SRRM2: variants seen among roughly 807,000 people sequenced by gnomAD.
The protein encoded by SRRM2 is serine/arginine repetitive matrix 2, also known as serine/arginine repetitive matrix protein 2.
SRRM2 carries 30 observed loss-of-function variants against 213.8 expected under a neutral mutation model. The ratio of observed to expected loss-of-function variants is 0.14; its 90% CI spans 0.10 to 0.19. The LOEUF (loss-of-function observed/expected upper bound fraction) is 0.19. Among genes scored for constraint, SRRM2 ranks in the 10% least tolerant of loss-of-function variants. SRRM2 has a pLI of 1.00. For missense variants in SRRM2, 4,904 were observed against 3,647.0 expected, an observed-to-expected ratio of 1.34 and a Z score of -8.88; for synonymous variants, 2,025 against 1,377.7, an observed-to-expected ratio of 1.47 and a Z score of -10.40.
Position 2,764,197 on chromosome 16 carries a change from A to G in SRRM2, c.3669A>G (p.Lys1223=), listed in dbSNP as rs571448842. The G allele has an allele frequency of 6.2e-7, 1 of 1,614,260 alleles. No homozygotes were observed. The highest frequency in any genetic ancestry group is 1.3e-5 in the African/African-American group (1 of 75,072). ...GTGCTGGGTCATCTCCAGAAACAAA[A>G]GAGCAAAATAGTGCATTGCCTACGT... ...RSGAGSSPET[K]EQNSALPTSS... is the part of the protein sequence containing the mutation. Residue 1223 remains lysine (K), a synonymous_variant, in exon 11 of 15, where the codon AAA becomes AAG. Coordinates refer to ENST00000301740, the MANE Select transcript of SRRM2 (RefSeq NM_016333.4).
rs768299915 is a variant in SRRM2, at chr16:2,766,174, G to C, written c.5646G>C (p.Leu1882=). The C allele has an allele frequency of 1.9e-6, 3 of 1,613,976 alleles. No individual in the cohort carries two copies. The African/African-American group carries it at 4.0e-5, about 22-fold the overall frequency. The change falls in exon 11 of 15, where the codon CTG becomes CTC. Residue 1882 remains leucine (L), a synonymous_variant. Coordinates refer to ENST00000301740, the MANE Select transcript of SRRM2 (RefSeq NM_016333.4). The surrounding 1 kb of genome is among the most constrained non-coding windows in gnomAD (Gnocchi z 7.0). Reference sequence around the variant, plus strand: ...GGCGATCCAGGTCCAGAACCCCCCTGATAAGCCGACGTAGGTCCAGATCTC... The same window carrying C: ...GGCGATCCAGGTCCAGAACCCCCCTCATAAGCCGACGTAGGTCCAGATCTC... ...THRRSRSRTP[L]ISRRRSRSRT...
chr16:2,764,812 A>G lies in SRRM2; in HGVS notation c.4284A>G (p.Lys1428=). 1 of 1,614,186 alleles carries G rather than the reference A, an allele frequency of 6.2e-7. No homozygotes were observed. Among genetic ancestry groups the G allele is most frequent in the Non-Finnish European group, 8.5e-7 (1 of 1,180,034 alleles). ...RSSSASSPEM[K]DGLPRTPSRR... ...GTTCTGCATCTTCTCCTGAAATGAA[A>G]GATGGTTTACCCAGAACTCCATCAA... is the stretch of plus-strand genomic sequence containing the variant. The change falls in exon 11 of 15, where the codon AAA becomes AAG. Residue 1428 remains lysine, a synonymous_variant. Transcript: ENST00000301740.
Position 2,768,130 on chromosome 16 carries a change from CTCGTCG to C in SRRM2, c.7611_7616del (p.Ser2555_Ser2556del), listed in dbSNP as rs761420606. On this transcript the variant is annotated inframe_deletion, in exon 11 of 15. Coordinates refer to ENST00000301740, the MANE Select transcript of SRRM2 (RefSeq NM_016333.4). ...CAGCAAAGGAGCGGCGGAGTTCCTCCTCGTCGTCGTCGTCCTCTAGCTCCTCCTCTT... is the reference window on the plus strand; with the variant it reads ...CAGCAAAGGAGCGGCGGAGTTCCTCCTCGTCGTCCTCTAGCTCCTCCTCTT... 10 of 1,613,352 alleles carry C rather than the reference CTCGTCG, an allele frequency of 6.2e-6. No homozygotes were observed. Among genetic ancestry groups the C allele is most frequent in the African/African-American group, 1.3e-5 (1 of 74,904 alleles).
chr16:2,760,663 T>G, intron 10 of SRRM2, 164 bp downstream of exon 10: 1 of 723,842 alleles, frequency 1.4e-6, no homozygotes, highest in South Asian at 1.9e-5. Flanking sequence ...GAACTTTTAG[T>G]GTTGTTACTA....
chr16:2,767,270 C>T lies in SRRM2; in HGVS notation c.6742C>T (p.Pro2248Ser). The part of the protein sequence containing the change: ...AAMNLASART[P>S]AIPTAVNLAD... Reference sequence around the variant, plus strand: ...CATGAACCTAGCCAGCGCCAGGACACCTGCCATTCCAACAGCAGTGAACCT... The same window carrying T: ...CATGAACCTAGCCAGCGCCAGGACATCTGCCATTCCAACAGCAGTGAACCT... The change falls in exon 11 of 15, where the codon CCT becomes TCT. Residue 2248 changes from proline (P) to serine (S), a missense_variant. Physicochemically the swap from Pro to Ser is moderately conservative, Grantham distance 74 (BLOSUM62 -1). Transcript: ENST00000301740. The T allele has an allele frequency of 6.2e-7, 1 of 1,614,112 alleles. No individual in the cohort carries two copies. Among genetic ancestry groups the T allele is most frequent in the East Asian group, 2.2e-5 (1 of 44,888 alleles).
At chr16:2,770,259 G>A (rs2068694320) in intron 12 of SRRM2, 93 bp from the exon 13 acceptor site, 6 of 1,473,238 alleles carry the variant, frequency 4.1e-6, no homozygotes, top group South Asian at 1.4e-5. Flanking sequence ...TGTGGTGTGA[G>A]GTTTGGTGGT....
At position 2,757,591 on chromosome 16, in the gene SRRM2, G is replaced by C; in HGVS notation, c.350+12G>C. On this transcript the variant is annotated intron_variant, in intron 3 of 14. Transcript: ENST00000301740. ...GGGCAGAGGCCAGCGTGAGTGTTGC[G>C]CTCTCCCTCGATGACTCTGGACTCT... 2 of 1,610,144 alleles carry C rather than the reference G, an allele frequency of 1.2e-6. No homozygotes were observed. Among genetic ancestry groups the C allele is most frequent in the Middle Eastern group, 1.7e-4 (1 of 5,998 alleles).
intron 9 of SRRM2, 23 bp downstream of exon 9, chr16:2,759,684 G>T: frequency 1.3e-6 from 2 of 1,593,906 alleles, no homozygotes; most frequent in Non-Finnish European, 1.7e-6. Context: ...CCAGGAGGAA[G>T]GGAGGGAGAG....
Position 2,766,683 on chromosome 16 carries a change from G to A in SRRM2, c.6155G>A (p.Arg2052His), listed in dbSNP as rs201843028. The A allele has an allele frequency of 2.0e-5, 32 of 1,614,052 alleles. No homozygotes were observed. In the African/African-American group the frequency reaches 2.5e-4, roughly 13 times the overall value. ...SRSRSPLAIRRRSRSRTPRTA... is the reference protein window; with the variant it reads ...SRSRSPLAIRHRSRSRTPRTA... ...AGTCGCTCACCACTTGCTATCCGCC[G>A]CCGCTCCAGATCCCGTACTCCACGA... The change falls in exon 11 of 15, where the codon CGC becomes CAC. Residue 2052 changes from arginine (R) to histidine (H), a missense_variant. Physicochemically the swap from Arg to His is conservative, Grantham distance 29 (BLOSUM62 0). Coordinates refer to ENST00000301740, the MANE Select transcript of SRRM2 (RefSeq NM_016333.4). The surrounding 1 kb of genome is among the most constrained non-coding windows in gnomAD (Gnocchi z 7.0).
In SRRM2 at chr16:2,765,381, C is replaced by T. The variant is rs1226182455; in HGVS notation, c.4853C>T (p.Ser1618Phe). The T allele has an allele frequency of 6.2e-7, 1 of 1,614,190 alleles. No homozygotes were observed. The highest frequency in any genetic ancestry group is 8.5e-7 in the Non-Finnish European group (1 of 1,180,044). The part of the protein sequence containing the change: ...PRAAPRAQSG[S>F]DSSPEPKAPA... ...GCAGCACCCAGGGCACAGAGTGGTT[C>T]TGATTCCTCTCCTGAACCTAAAGCT... Residue 1618 changes from serine to phenylalanine, a missense_variant, in exon 11 of 15, where the codon TCT (serine) becomes TTT (phenylalanine). By Grantham distance (155) the Ser-to-Phe change is radical (BLOSUM62 -2). Coordinates refer to ENST00000301740, the MANE Select transcript of SRRM2 (RefSeq NM_016333.4).
chr16:2,753,077 C>G (rs540632274), intron 1 of SRRM2, among the ~76,000 whole-genome samples: 32 of 150,092 alleles, frequency 2.1e-4, no homozygotes, highest in Non-Finnish European at 3.7e-4. Flanking sequence ...CGTTCGCAGC[C>G]GCCTGTACTC....
chr16:2,761,939 A>G lies in SRRM2; in HGVS notation c.1411A>G (p.Lys471Glu). The change falls in exon 11 of 15, where the codon AAA becomes GAA. Residue 471 changes from lysine (K) to glutamate (E), a missense_variant. By Grantham distance (56) the Lys-to-Glu change is moderately conservative. Transcript: ENST00000301740. ...CTCACATGGCCGAGCAAAACGGGAT[A>G]AATCACATTCTCATACCCCCTCCCG... ...NRSHGRAKRD[K>E]SHSHTPSRRM... The G allele has an allele frequency of 6.2e-7, 1 of 1,613,968 alleles. No individual in the cohort carries two copies. The highest frequency in any genetic ancestry group is 8.5e-7 in the Non-Finnish European group (1 of 1,180,012).
chr16:2,766,994 A>G lies in SRRM2; in HGVS notation c.6466A>G (p.Met2156Val), dbSNP rs539876883. Residue 2156 changes from methionine to valine, a missense_variant, in exon 11 of 15, where the codon ATG becomes GTG. Coordinates refer to ENST00000301740, the MANE Select transcript of SRRM2 (RefSeq NM_016333.4). The surrounding 1 kb of genome is among the most constrained non-coding windows in gnomAD (Gnocchi z 7.0). ...TGTCCTGCAGCAAGCCGGCGGCTCCATGATGGATGGTCCAGGTCCCCGAAT... is the reference window on the plus strand; with the variant it reads ...TGTCCTGCAGCAAGCCGGCGGCTCCGTGATGGATGGTCCAGGTCCCCGAAT... ...MSVLQQAGGS[M>V]MDGPGPRIPD... The G allele has an allele frequency of 6.2e-6, 10 of 1,614,094 alleles. No homozygotes were observed. In the South Asian group the frequency reaches 7.7e-5, roughly 12 times the overall value.
Position 2,764,042 on chromosome 16 carries a change from C to T in SRRM2, c.3514C>T (p.Pro1172Ser), listed in dbSNP as rs757842082. The stretch of plus-strand genomic sequence containing the variant: ...ATCAAAAGAGAAAATGGCCTTACCC[C>T]CTCAGGAGGATGCTACTGCATCACC... Reference protein sequence around the residue: ...AESKEKMALPPQEDATASPPR... With the variant: ...AESKEKMALPSQEDATASPPR... Residue 1172 changes from proline (P) to serine (S), a missense_variant, in exon 11 of 15, where the codon CCT becomes TCT. Coordinates refer to ENST00000301740, the MANE Select transcript of SRRM2 (RefSeq NM_016333.4). The T allele has an allele frequency of 2.4e-5, 39 of 1,614,038 alleles. No homozygotes were observed. The highest frequency in any genetic ancestry group is 3.0e-5 in the Non-Finnish European group (35 of 1,180,038).
At chr16:2,756,280 A>G (rs1372157499) in intron 1 of SRRM2, 54 bp from the exon 2 acceptor site, 10 of 1,426,920 alleles carry the variant, frequency 7.0e-6, no homozygotes, top group Non-Finnish European at 7.4e-6. Context: ...GTGGGGCGGT[A>G]AGTGGTTAGT....
chr16:2,767,826 A>T lies in SRRM2; in HGVS notation c.7298A>T (p.Gln2433Leu). The T allele has an allele frequency of 6.2e-7, 1 of 1,613,972 alleles. No homozygotes were observed. Among genetic ancestry groups the T allele is most frequent in the Non-Finnish European group, 8.5e-7 (1 of 1,179,970 alleles). The change falls in exon 11 of 15, where the codon CAG (glutamine) becomes CTG (leucine). Residue 2433 changes from glutamine (Q) to leucine (L), a missense_variant. Gln to Leu is a moderately radical substitution (Grantham distance 113, BLOSUM62 -2). Coordinates refer to ENST00000301740, the MANE Select transcript of SRRM2 (RefSeq NM_016333.4). ...RAPSPSSRMG[Q>L]APSQSLLPPA... ...CCCTCCCCTTCCTCTAGAATGGGCC[A>T]GGCTCCTTCACAGTCTCTTCTCCCT...
rs780336255 is a variant in SRRM2, at chr16:2,762,129, C to G, written c.1601C>G (p.Ser534Cys). 9.3e-6 allele frequency: 15 copies of G among 1,614,108 alleles called. No individual in the cohort carries two copies. The highest frequency in any genetic ancestry group is 6.7e-5 in the Admixed American group (4 of 60,008). Residue 534 changes from serine to cysteine, a missense_variant, in exon 11 of 15, where the codon TCT becomes TGT. Coordinates refer to ENST00000301740, the MANE Select transcript of SRRM2 (RefSeq NM_016333.4). ...AGAAGCCCCCAGCGACGTGGCCGCT[C>G]TAGGTCTCCTCAGCGACCAGGCTGG... ...RSRSPQRRGR[S>C]RSPQRPGWSR... is the part of the protein sequence containing the mutation.
In SRRM2 at chr16:2,762,341, C is replaced by T. The variant is rs115253860; in HGVS notation, c.1813C>T (p.Arg605Trp). Reference sequence around the variant, plus strand: ...CAGAACTCCCACCAGGCGTAGGTCTCGGTCTAGAACACCAGCCCGGAGGGG... The same window carrying T: ...CAGAACTCCCACCAGGCGTAGGTCTTGGTCTAGAACACCAGCCCGGAGGGG... ...RSRTPTRRRS[R>W]SRTPARRGRS... is the part of the protein sequence containing the mutation. Residue 605 changes from arginine to tryptophan, a missense_variant, in exon 11 of 15, where the codon CGG becomes TGG. Arg to Trp is a moderately radical substitution (Grantham distance 101). Transcript: ENST00000301740. 61 of 1,614,024 alleles carry T rather than the reference C, an allele frequency of 3.8e-5. No individual in the cohort carries two copies. The highest frequency in any genetic ancestry group is 3.2e-4 in the African/African-American group (24 of 75,034).
chr16:2,766,067 A>G lies in SRRM2; in HGVS notation c.5539A>G (p.Thr1847Ala). 2.5e-6 allele frequency: 4 copies of G among 1,614,012 alleles called. No individual in the cohort carries two copies. The South Asian group carries it at 3.3e-5, about 13-fold the overall frequency. Reference sequence around the variant, plus strand: ...AAGAGGCCGCTCTCGGACACCCCCAACCAGTCGGAAGCGTTCTCGCTCACG... The same window carrying G: ...AAGAGGCCGCTCTCGGACACCCCCAGCCAGTCGGAAGCGTTCTCGCTCACG... ...RRRGRSRTPP[T>A]SRKRSRSRTS... The change falls in exon 11 of 15, where the codon ACC becomes GCC. Residue 1847 changes from threonine to alanine, a missense_variant. By Grantham distance (58) the Thr-to-Ala change is moderately conservative (BLOSUM62 0). Coordinates refer to ENST00000301740, the MANE Select transcript of SRRM2 (RefSeq NM_016333.4). This position sits in a 1 kb window ranked among gnomAD's most constrained non-coding sequence, Gnocchi z 7.0.
Sources: gnomAD v4.1 joint callset for allele counts (sites outside exome capture counted in the v4.1 genomes callset) on GRCh38, gnomAD v4.1.1 for gene constraint, Gnocchi (gnomAD v3.1) non-coding constraint, MANE v1.5 for transcripts, NCBI Gene and HGNC (gene_info 2026-07-23, HGNC 2026-07-21) for gene names.